RYR3: variants seen among roughly 807,000 people sequenced by gnomAD.
RYR3 encodes brain ryanodine receptor-calcium release channel.
A neutral mutation model predicts 584.3 loss-of-function variants in RYR3; 207 were observed. The observed-to-expected ratio is 0.35, with a 90% CI of 0.32 to 0.40. RYR3 has a LOEUF of 0.40. Ranked by LOEUF, RYR3 falls within the 10% of genes least tolerant of loss-of-function variation. The pLI is 1.00. For missense variants in RYR3, 5,616 were observed against 6,089.2 expected (o/e 0.92, Z 2.59); for synonymous variants, 2,416 against 2,248.5 (o/e 1.07, Z -2.11).
chr15:33,457,624 T>C (rs921309648), intron 1 of RYR3, among the ~76,000 whole-genome samples: 1 of 152,128 alleles, frequency 6.6e-6, no homozygotes, highest in Non-Finnish European at 1.5e-5. Context: ...GGGTAAAAAG[T>C]TATAGTTAGG....
At chr15:33,406,764 T>A (rs1232478765) in intron 1 of RYR3, among the ~76,000 whole-genome samples, 2 of 152,170 alleles carry the variant, frequency 1.3e-5, no homozygotes, top group Admixed American at 6.5e-5. Flanking sequence ...ATTTCATTGT[T>A]TTTTTTAACA....
At chr15:33,496,407 A>G (rs910143877) in intron 2 of RYR3, among the ~76,000 whole-genome samples, 6 of 152,166 alleles carry the variant, frequency 3.9e-5, no homozygotes, top group African/African-American at 1.4e-4. Flanking sequence ...AGGTAGCATG[A>G]ATAGAGCATA....
At position 33,844,784 on chromosome 15, in the gene RYR3, A is replaced by G. The variant is rs1384950461; in HGVS notation, c.13297-78A>G. The G allele has an allele frequency of 1.3e-5, 16 of 1,259,978 alleles. No individual in the cohort carries two copies. The East Asian group carries it at 3.9e-4, about 31-fold the overall frequency. 78.0% of individuals were successfully genotyped at this position (1,259,978 alleles called of 1,614,324 possible). A position where few individuals can be genotyped will look rare whatever the true frequency, so the allele number is the denominator to read the frequency against. ...TACTATTTGTATAGCACATGCTAACAATATAAAATATGTGGGGAGAGCCCA... is the reference window on the plus strand; with the variant it reads ...TACTATTTGTATAGCACATGCTAACGATATAAAATATGTGGGGAGAGCCCA... On this transcript the variant is annotated intron_variant, in intron 92 of 103. Coordinates refer to ENST00000634891, the MANE Select transcript of RYR3 (RefSeq NM_001036.6).
At chr15:33,481,003 A>T (rs990512914) in intron 2 of RYR3, among the ~76,000 whole-genome samples, 8 of 152,168 alleles carry the variant, frequency 5.3e-5, no homozygotes, top group Admixed American at 3.3e-4. Flanking sequence ...AAGCTCTGTT[A>T]TTAGGTGCAT....
At chr15:33,460,285 G>A (rs548738151) in intron 1 of RYR3, among the ~76,000 whole-genome samples, 1 of 152,290 alleles carries the variant, frequency 6.6e-6, no homozygotes, top group South Asian at 2.1e-4. Flanking sequence ...TAAAGCCTTC[G>A]GGCTGCAATG....
chr15:33,478,222 A>C lies in RYR3; in HGVS notation c.171+4684A>C, dbSNP rs114987601. Among the ~76,000 whole-genome samples, 775 of 152,186 alleles carry C rather than the reference A, an allele frequency of 5.1e-3. 8 individuals are homozygous for C. Among genetic ancestry groups the C allele is most frequent in the African/African-American group, 0.018 (739 of 41,510 alleles). ...CAGAAACCATGGCTTGCCAGCTGGG[A>C]TGTGTCAAGTACTGCATTTCGGCAG... On this transcript the variant is annotated intron_variant, in intron 2 of 103. Transcript: ENST00000634891.
chr15:33,773,500 G>A (rs576180004), intron 63 of RYR3, 34 bp from the exon 64 acceptor site: 2 of 1,464,252 alleles, frequency 1.4e-6, no homozygotes, highest in Non-Finnish European at 9.5e-7. Flanking sequence ...ATTCAGGATT[G>A]ATGCAAATCA....
intron 14 of RYR3, among the ~76,000 whole-genome samples, chr15:33,582,072 T>C (rs913236602): frequency 1.3e-5 from 2 of 152,240 alleles, no homozygotes; most frequent in Non-Finnish European, 2.9e-5. Flanking sequence ...TGGCCTGTAA[T>C]TTATTTCATT....
intron 102 of RYR3, among the ~76,000 whole-genome samples, chr15:33,862,182 C>A (rs993412746): frequency 1.3e-5 from 2 of 151,252 alleles, no homozygotes; most frequent in African/African-American, 2.4e-5. Flanking sequence ...CTAGCTCTTC[C>A]CCCTTCTCTC....
At chr15:33,802,003 AC>A in intron 69 of RYR3, 42 bp downstream of exon 69, 1 of 1,133,898 alleles carries the variant, frequency 8.8e-7, no homozygotes, top group Non-Finnish European at 1.3e-6. Context: ...TTCAACCCTA[AC>A]CTCAGCCATG....
rs921292494 is a variant in RYR3, at chr15:33,805,588, C to T, written c.10012-1967C>T. On this transcript the variant is annotated intron_variant, in intron 69 of 103. Coordinates refer to ENST00000634891, the MANE Select transcript of RYR3 (RefSeq NM_001036.6). Reference sequence around the variant, plus strand: ...CGCCTCCCTGGTTCACACCATTCTCCTGCCTCAGCCTCCCAAGTAGCTGGG... The same window carrying T: ...CGCCTCCCTGGTTCACACCATTCTCTTGCCTCAGCCTCCCAAGTAGCTGGG... Among the ~76,000 whole-genome samples the T allele has an allele frequency of 3.9e-5, 6 of 152,068 alleles. No individual in the cohort carries two copies. The East Asian group carries it at 7.8e-4, about 20-fold the overall frequency.
At chr15:33,349,952 C>T (rs1595810813) in intron 1 of RYR3, among the ~76,000 whole-genome samples, 3 of 151,826 alleles carry the variant, frequency 2.0e-5, no homozygotes, top group African/African-American at 7.3e-5. Flanking sequence ...GCATAGTATT[C>T]CATGGTGTAT....
chr15:33,552,476 G>A (rs2056759184), intron 10 of RYR3, among the ~76,000 whole-genome samples: 1 of 152,212 alleles, frequency 6.6e-6, no homozygotes, highest in Non-Finnish European at 1.5e-5. Context: ...GGGGGCAAAA[G>A]TCACCCATGA....
intron 97 of RYR3, 129 bp from the exon 98 acceptor site, chr15:33,854,637 C>G (rs1488457833): frequency 1.4e-5 from 17 of 1,254,250 alleles, no homozygotes; most frequent in African/African-American, 6.0e-5. Context: ...GATCTTGGGC[C>G]AGCTCACAGC....
At chr15:33,428,476 T>C (rs2044838625) in intron 1 of RYR3, among the ~76,000 whole-genome samples, 1 of 152,210 alleles carries the variant, frequency 6.6e-6, no homozygotes, top group Non-Finnish European at 1.5e-5. Flanking sequence ...AATCCTCTTG[T>C]TGGACAGATA....
chr15:33,743,078 A>T (rs538020722), intron 52 of RYR3, among the ~76,000 whole-genome samples: 37 of 152,344 alleles, frequency 2.4e-4, no homozygotes, highest in Non-Finnish European at 4.1e-4. Context: ...GTGGGCAGCC[A>T]GTTAAGGATT....
At chr15:33,796,066 G>T (rs191099913) in intron 67 of RYR3, among the ~76,000 whole-genome samples, 1 of 152,178 alleles carries the variant, frequency 6.6e-6, no homozygotes, top group South Asian at 2.1e-4. Flanking sequence ...AGTTGACACA[G>T]GAGCGTGGCT....
Position 33,649,308 on chromosome 15 carries a change from C to A in RYR3, c.4142+73C>A, listed in dbSNP as rs535564365. On this transcript the variant is annotated intron_variant, in intron 31 of 103. Coordinates refer to ENST00000634891, the MANE Select transcript of RYR3 (RefSeq NM_001036.6). ...CCTCCCCCCAGTCTTTTTCTTCCACCCCACACCCAAAGAAGGAAACATCTT... is the reference window on the plus strand; with the variant it reads ...CCTCCCCCCAGTCTTTTTCTTCCACACCACACCCAAAGAAGGAAACATCTT... 18 of 1,403,884 alleles carry A rather than the reference C, an allele frequency of 1.3e-5. No individual in the cohort carries two copies. The Admixed American group carries it at 2.2e-4, about 17-fold the overall frequency. 87.0% of individuals were successfully genotyped at this position (1,403,884 alleles called of 1,614,324 possible). A position where few individuals can be genotyped will look rare whatever the true frequency, so the allele number is the denominator to read the frequency against.
intron 98 of RYR3, among the ~76,000 whole-genome samples, chr15:33,857,237 C>T (rs1181310315): frequency 4.0e-5 from 1 of 24,708 alleles, no homozygotes; most frequent in Non-Finnish European, 9.2e-5. Flanking sequence ...AGTCCAGTAT[C>T]ATGGTGCTGG....
Sources: gnomAD v4.1 joint callset for allele counts (sites outside exome capture counted in the v4.1 genomes callset) on GRCh38, gnomAD v4.1.1 for gene constraint, MANE v1.5 for transcripts, NCBI Gene and HGNC (gene_info 2026-07-23, HGNC 2026-07-21) for gene names.